Variants in FYN observed in about 807,000 individuals in gnomAD.
FYN encodes the protein FYN proto-oncogene, Src family tyrosine kinase, also known as tyrosine-protein kinase Fyn.
In FYN, 10 loss-of-function variants were observed where a neutral mutation model predicts 70.2. The observed-to-expected ratio is 0.14, with a 90% CI of 0.09 to 0.24. The LOEUF is 0.24. Ranked by LOEUF, FYN falls within the 10% of genes least tolerant of loss-of-function variation. FYN has a pLI of 1.00. For missense variants in FYN, 319 were observed against 673.1 expected (o/e 0.47, Z 5.82); for synonymous variants, 236 against 248.6 (o/e 0.95, Z 0.48).
At chr6:111,702,777 T>A in intron 8 of FYN, 108 bp downstream of exon 8, 1 of 1,086,806 alleles carries the variant, frequency 9.2e-7, no homozygotes, top group Non-Finnish European at 1.3e-6. Context: ...ACATACTCTA[T>A]AAGTGATTTT....
At chr6:111,830,288 G>C (rs1772974849) in intron 2 of FYN, among the ~76,000 whole-genome samples, 1 of 152,212 alleles carries the variant, frequency 6.6e-6, no homozygotes, top group Non-Finnish European at 1.5e-5. Context: ...ACAGTGGTTT[G>C]AGACAGATAT....
intron 6 of FYN, among the ~76,000 whole-genome samples, chr6:111,707,575 G>C (rs35529906): frequency 0.13 from 20,062 of 152,170 alleles, 1,471 homozygotes; most frequent in South Asian, 0.33. Context: ...CCCAACAGAG[G>C]GAGTGGACTG....
chr6:111,854,504 C>T (rs1418096940), intron 1 of FYN, among the ~76,000 whole-genome samples: 8 of 152,188 alleles, frequency 5.3e-5, no homozygotes, highest in South Asian at 2.1e-4. Context: ...CTGAGATGCA[C>T]GGAACAGCAG....
chr6:111,837,960 T>C (rs1451101121), intron 2 of FYN, among the ~76,000 whole-genome samples: 1 of 152,196 alleles, frequency 6.6e-6, no homozygotes, highest in Non-Finnish European at 1.5e-5. Context: ...CTTTACACTC[T>C]GACTGTATTC....
At chr6:111,786,869 AG>A (rs764510655) in intron 2 of FYN, among the ~76,000 whole-genome samples, 3 of 152,304 alleles carry the variant, frequency 2.0e-5, no homozygotes, top group Admixed American at 6.5e-5. Flanking sequence ...TCTTCTTTTG[AG>A]AAGTGTCTGT....
intron 3 of FYN, among the ~76,000 whole-genome samples, chr6:111,753,621 T>C (rs1288586673): frequency 6.6e-6 from 1 of 150,388 alleles, no homozygotes; most frequent in African/African-American, 2.5e-5. Context: ...TAAGGACAAA[T>C]GTGAGGGCCT....
At chr6:111,738,249 A>G (rs913177398) in intron 3 of FYN, among the ~76,000 whole-genome samples, 54 of 152,232 alleles carry the variant, frequency 3.5e-4, no homozygotes, top group Admixed American at 3.1e-3. Context: ...CATAAACCCC[A>G]AAGAACCATG....
intron 3 of FYN, among the ~76,000 whole-genome samples, chr6:111,728,077 G>A (rs1008803725): frequency 1.3e-5 from 2 of 151,852 alleles, no homozygotes; most frequent in Non-Finnish European, 2.9e-5. Context: ...GCCAAATGAG[G>A]CTTTAACACC....
rs1298476802 is a variant in FYN, at chr6:111,765,151, T to C, written c.-12+15415A>G. Among the ~76,000 whole-genome samples the C allele has an allele frequency of 2.6e-5, 4 of 152,088 alleles. No homozygotes were observed. The East Asian group carries it at 7.7e-4, about 29-fold the overall frequency. On this transcript the variant is annotated intron_variant, in intron 3 of 13. Transcript: ENST00000354650. ...AGAGGAGACCTGCACACAGGGTGTGTGCACACATGAGCACACACACTCTCA... is the reference window on the plus strand; with the variant it reads ...AGAGGAGACCTGCACACAGGGTGTGCGCACACATGAGCACACACACTCTCA...
chr6:111,815,246 G>C (rs184854351), intron 2 of FYN, among the ~76,000 whole-genome samples: 2 of 152,242 alleles, frequency 1.3e-5, no homozygotes, highest in East Asian at 3.9e-4. Flanking sequence ...GCAGGAAATG[G>C]CTACAGCTGC....
chr6:111,806,750 T>C (rs964119990), intron 2 of FYN, among the ~76,000 whole-genome samples: 2 of 152,210 alleles, frequency 1.3e-5, no homozygotes, highest in African/African-American at 4.8e-5. Context: ...CACCTGGGCA[T>C]GCTGACTCAG....
intron 1 of FYN, among the ~76,000 whole-genome samples, chr6:111,855,311 G>A (rs1773796667): frequency 1.3e-5 from 2 of 152,092 alleles, no homozygotes. Context: ...GCTCAACATA[G>A]GAGATGAAAT....
chr6:111,712,134 T>C (rs1270349551), intron 5 of FYN, among the ~76,000 whole-genome samples: 2 of 152,182 alleles, frequency 1.3e-5, no homozygotes, highest in South Asian at 4.1e-4. Context: ...GAAGAAGCCA[T>C]GGGACTGACA....
chr6:111,813,741 T>C (rs1166095279), intron 2 of FYN, among the ~76,000 whole-genome samples: 1 of 152,208 alleles, frequency 6.6e-6, no homozygotes, highest in Non-Finnish European at 1.5e-5. Context: ...CAGTGAATAC[T>C]GAAGGTCTTA....
intron 2 of FYN, among the ~76,000 whole-genome samples, chr6:111,800,460 CG>C (rs1438121214): frequency 6.6e-6 from 1 of 151,772 alleles, no homozygotes; most frequent in African/African-American, 2.4e-5. Flanking sequence ...CACAACTTGC[CG>C]AAGGGATATT....
intron 2 of FYN, among the ~76,000 whole-genome samples, chr6:111,797,575 TG>T (rs148451277): frequency 0.048 from 7,194 of 149,322 alleles, 368 homozygotes; most frequent in African/African-American, 0.13. Flanking sequence ...GCTCACACAA[TG>T]GAAAACTTCA....
At chr6:111,701,402 C>T (rs909442434) in intron 8 of FYN, among the ~76,000 whole-genome samples, 31 of 152,168 alleles carry the variant, frequency 2.0e-4, no homozygotes, top group African/African-American at 7.2e-4. Context: ...TGGGCTGTAA[C>T]TTGCTTTTTA....
chr6:111,808,545 T>C (rs1772225073), intron 2 of FYN, among the ~76,000 whole-genome samples: 1 of 152,204 alleles, frequency 6.6e-6, no homozygotes, highest in Non-Finnish European at 1.5e-5. Context: ...CTCCAGTCTC[T>C]GGACATTCTT....
At chr6:111,872,903 C>G (rs889518339) in intron 1 of FYN, 65 bp downstream of exon 1, 3 of 150,536 alleles carry the variant, frequency 2.0e-5, no homozygotes, top group African/African-American at 7.3e-5. Flanking sequence ...GCGGGGGCGC[C>G]GGCGGCCGGG....
Sources: allele counts gnomAD v4.1 joint callset (sites outside exome capture counted in the v4.1 genomes callset), GRCh38; gene constraint gnomAD v4.1.1; transcripts MANE v1.5; gene names NCBI Gene and HGNC (gene_info 2026-07-23, HGNC 2026-07-21).